Variants in SH3GL2 observed in about 807,000 individuals in gnomAD.
SH3GL2 encodes SH3 domain containing GRB2 like 2, endophilin A1.
SH3GL2 carries 24 observed loss-of-function variants against 46.0 expected under a neutral mutation model. The observed-to-expected ratio is 0.52, with a 90% CI of 0.38 to 0.73. The LOEUF (loss-of-function observed/expected upper bound fraction) is 0.73, where lower values mean the gene tolerates loss of function less well. SH3GL2 is among the 30% of genes least tolerant of loss of function. The pLI, the probability that SH3GL2 is intolerant of heterozygous loss-of-function variation, is 0.00. For synonymous variants in SH3GL2, 196 were observed against 147.1 expected (o/e 1.33, Z -2.40); for missense variants, 413 against 424.2 (o/e 0.97, Z 0.23).
intron 1 of SH3GL2, among the ~76,000 whole-genome samples, chr9:17,650,686 AT>A (rs1411197369): frequency 6.6e-6 from 1 of 152,210 alleles, no homozygotes; most frequent in Non-Finnish European, 1.5e-5. Context: ...GCTGAAGCAT[AT>A]TTTTGTAAAT....
chr9:17,794,583 T>C (rs904355404), intron 8 of SH3GL2, among the ~76,000 whole-genome samples: 1 of 152,156 alleles, frequency 6.6e-6, no homozygotes, highest in Admixed American at 6.5e-5. Context: ...TTTGCTTCTT[T>C]CTCTAAATAA....
chr9:17,622,780 G>A (rs1307110830), intron 1 of SH3GL2, among the ~76,000 whole-genome samples: 1 of 152,060 alleles, frequency 6.6e-6, no homozygotes, highest in Non-Finnish European at 1.5e-5. Context: ...AAAGAATAAT[G>A]GATCCTGAGC....
intron 1 of SH3GL2, among the ~76,000 whole-genome samples, chr9:17,734,634 C>T (rs1470031873): frequency 2.6e-5 from 4 of 152,062 alleles, no homozygotes; most frequent in Non-Finnish European, 5.9e-5. Flanking sequence ...AGGAATGAAG[C>T]AGTGATACAT....
chr9:17,713,689 T>A (rs1821684360), intron 1 of SH3GL2, among the ~76,000 whole-genome samples: 2 of 151,698 alleles, frequency 1.3e-5, no homozygotes, highest in South Asian at 2.1e-4. Context: ...TTTGGAGATT[T>A]TCCAGAGATC....
intron 1 of SH3GL2, among the ~76,000 whole-genome samples, chr9:17,624,134 T>C (rs1184347621): frequency 6.6e-6 from 1 of 152,202 alleles, no homozygotes; most frequent in African/African-American, 2.4e-5. Context: ...TGTTGCTGCC[T>C]CATGATTAGA....
At chr9:17,580,998 C>G (rs527739059) in intron 1 of SH3GL2, among the ~76,000 whole-genome samples, 7 of 152,174 alleles carry the variant, frequency 4.6e-5, no homozygotes, top group African/African-American at 7.2e-5. Context: ...ACTTCTGAAC[C>G]TGTCCATGCT....
Position 17,617,377 on chromosome 9 carries a change from C to G in SH3GL2, c.45+38090C>G, listed in dbSNP as rs77555931. 3.7e-3 allele frequency among the ~76,000 whole-genome samples: 564 copies of G among 152,300 alleles called. 5 individuals are homozygous for G. The highest frequency in any genetic ancestry group is 0.013 in the African/African-American group (543 of 41,576). The stretch of plus-strand genomic sequence containing the variant: ...AGATCTCTATCATTGTTTCCCAGTG[C>G]TCCTTGGAACCCTCCTCAGGGAAAT... On this transcript the variant is annotated intron_variant, in intron 1 of 8. Transcript: ENST00000380607.
intron 1 of SH3GL2, among the ~76,000 whole-genome samples, chr9:17,659,833 G>T (rs950568947): frequency 1.3e-5 from 2 of 152,106 alleles, no homozygotes; most frequent in Admixed American, 6.5e-5. Context: ...GCTTGAGAGC[G>T]CTTCATCACC....
rs913682755 is a variant in SH3GL2 at position 17,609,505 on chromosome 9, C to T, written c.45+30218C>T. Among the ~76,000 whole-genome samples the T allele has an allele frequency of 3.3e-5, 5 of 152,010 alleles. No individual in the cohort carries two copies. The South Asian group carries it at 8.3e-4, about 25-fold the overall frequency. On this transcript the variant is annotated intron_variant, in intron 1 of 8. Transcript: ENST00000380607. Reference sequence around the variant, plus strand: ...GTCTGTGGTGAGCAGGGGAGCTCTCCGTGGGGCCACCTCCCTGCAGCTGTA... The same window carrying T: ...GTCTGTGGTGAGCAGGGGAGCTCTCTGTGGGGCCACCTCCCTGCAGCTGTA...
chr9:17,659,550 G>A (rs955367510), intron 1 of SH3GL2, among the ~76,000 whole-genome samples: 1 of 152,120 alleles, frequency 6.6e-6, no homozygotes, highest in African/African-American at 2.4e-5. Context: ...ACTCTAGATT[G>A]TCTCATTTAG....
In SH3GL2 at chr9:17,765,671, C is replaced by T. The variant is rs965251310; in HGVS notation, c.187+4162C>T. The stretch of plus-strand genomic sequence containing the variant: ...GCTAGGCTAACAGCTCCCTCGGGTC[C>T]AGCGTAAAGGTCACTTATTAGCCTT... On this transcript the variant is annotated intron_variant, in intron 3 of 8. Transcript: ENST00000380607. Among the ~76,000 whole-genome samples, 17 of 152,226 alleles carry T rather than the reference C, an allele frequency of 1.1e-4. No individual in the cohort carries two copies. The East Asian group carries it at 1.2e-3, about 10-fold the overall frequency.
intron 1 of SH3GL2, among the ~76,000 whole-genome samples, chr9:17,679,248 T>G (rs940244360): frequency 6.6e-6 from 1 of 152,224 alleles, no homozygotes; most frequent in Non-Finnish European, 1.5e-5. Context: ...ATGATATTGA[T>G]TCTTCCTATC....
intron 1 of SH3GL2, among the ~76,000 whole-genome samples, chr9:17,633,095 AC>A (rs1819469966): frequency 6.6e-6 from 1 of 152,130 alleles, no homozygotes; most frequent in Non-Finnish European, 1.5e-5. Context: ...ATTGCTTTTC[AC>A]TTTGCCAGCT....
At chr9:17,620,773 G>A (rs1287738377) in intron 1 of SH3GL2, among the ~76,000 whole-genome samples, 2 of 152,144 alleles carry the variant, frequency 1.3e-5, no homozygotes, top group South Asian at 2.1e-4. Context: ...CTTGGTATGA[G>A]TGACCTGCTA....
Position 17,647,882 on chromosome 9 carries a change from C to T in SH3GL2, c.45+68595C>T, listed in dbSNP as rs117039259. Among the ~76,000 whole-genome samples the T allele has an allele frequency of 5.0e-3, 763 of 152,272 alleles. 1 individual carries two copies. Among genetic ancestry groups the T allele is most frequent in the Non-Finnish European group, 7.5e-3 (510 of 68,032 alleles). ...CACTTATATGCAGATTTTCTTCCAC[C>T]TCTGCCACCCTTGAGACAGTGAGGC... On this transcript the variant is annotated intron_variant, in intron 1 of 8. Coordinates refer to ENST00000380607, the MANE Select transcript of SH3GL2 (RefSeq NM_003026.5).
chr9:17,761,542 C>G (rs772497703), intron 3 of SH3GL2, 33 bp downstream of exon 3: 5 of 1,263,480 alleles, frequency 4.0e-6, no homozygotes, highest in Middle Eastern at 1.8e-4. Flanking sequence ...TAAAGGATCC[C>G]TCGAGGTAAC....
chr9:17,772,311 A>G (rs1461390806), intron 3 of SH3GL2, among the ~76,000 whole-genome samples: 1 of 152,218 alleles, frequency 6.6e-6, no homozygotes, highest in African/African-American at 2.4e-5. Flanking sequence ...AAAATAATTT[A>G]GAATTAATTT....
rs140478495 is a variant in SH3GL2 at position 17,668,099 on chromosome 9, C to T, written c.46-78967C>T. On this transcript the variant is annotated intron_variant, in intron 1 of 8. Transcript: ENST00000380607. ...ATTCTATGGGTTGTCTTTTCATGTT[C>T]TTGATGATGTTCTTTGAAACACAAA... 1.3e-3 allele frequency among the ~76,000 whole-genome samples: 205 copies of T among 152,240 alleles called. 3 individuals carry two copies. The highest frequency in any genetic ancestry group is 4.6e-3 in the African/African-American group (191 of 41,548).
At chr9:17,671,445 A>G (rs1820471917) in intron 1 of SH3GL2, among the ~76,000 whole-genome samples, 1 of 152,190 alleles carries the variant, frequency 6.6e-6, no homozygotes, top group South Asian at 2.1e-4. Flanking sequence ...ACTGTAGTCA[A>G]TAATAACTTA....
Sources: allele counts gnomAD v4.1 joint callset (sites outside exome capture counted in the v4.1 genomes callset), GRCh38; gene constraint gnomAD v4.1.1; transcripts MANE v1.5; gene names NCBI Gene and HGNC (gene_info 2026-07-23, HGNC 2026-07-21).